IST1: variants seen among roughly 807,000 people sequenced by gnomAD.
The protein encoded by IST1 is IST1 factor associated with ESCRT-III.
In IST1, 23 loss-of-function variants were observed where a neutral mutation model predicts 37.0. The ratio of observed to expected loss-of-function variants is 0.62; its 90% confidence interval spans 0.45 to 0.88. IST1 has a LOEUF of 0.88. IST1 is among the 40% of genes least tolerant of loss of function. The pLI, the probability that IST1 is intolerant of heterozygous loss-of-function variation, is 0.00. For synonymous variants in IST1, 180 were observed against 161.7 expected, an observed-to-expected ratio of 1.11 and a Z score of -0.86; for missense variants, 488 against 445.4, an observed-to-expected ratio of 1.10 and a Z score of -0.86.
chr16:71,919,404 G>C (rs73590011), intron 4 of IST1, among the ~76,000 whole-genome samples: 94 of 152,208 alleles, frequency 6.2e-4, no homozygotes, highest in African/African-American at 2.2e-3. Flanking sequence ...TTTATTATTT[G>C]AGACGGTCTT....
intron 1 of IST1, among the ~76,000 whole-genome samples, chr16:71,909,947 G>T (rs1032144149): frequency 7.2e-5 from 11 of 152,024 alleles, no homozygotes; most frequent in Non-Finnish European, 1.6e-4. Flanking sequence ...GTAATTTAAC[G>T]GCAAGTTGGA....
Position 71,914,412 on chromosome 16 carries a change from G to A in IST1, c.-15-1214G>A, listed in dbSNP as rs189816471. Among the ~76,000 whole-genome samples the A allele has an allele frequency of 2.2e-3, 337 of 152,028 alleles. 1 individual carries two copies. The highest frequency in any genetic ancestry group is 4.0e-3 in the Non-Finnish European group (274 of 67,986). On this transcript the variant is annotated intron_variant, in intron 1 of 9. Coordinates refer to ENST00000378799, the MANE Select transcript of IST1 (RefSeq NM_001270975.2). ...CCTGACCTCATGATCTGCCCACCTCGGCCTCCCAAAGTGCTAGGATTACAG... is the reference window on the plus strand; with the variant it reads ...CCTGACCTCATGATCTGCCCACCTCAGCCTCCCAAAGTGCTAGGATTACAG...
chr16:71,917,337 T>G (rs2037487162), intron 4 of IST1, among the ~76,000 whole-genome samples: 1 of 152,258 alleles, frequency 6.6e-6, no homozygotes, highest in East Asian at 1.9e-4. Flanking sequence ...GCAGTTTTTT[T>G]AAGGAGCAAA....
chr16:71,922,363 A>T (rs1243734006), intron 6 of IST1, 111 bp from the exon 7 acceptor site: 2 of 869,094 alleles, frequency 2.3e-6, no homozygotes, highest in African/African-American at 1.7e-5. Context: ...TGTTGATCCC[A>T]GAAGCACTCC....
chr16:71,919,548 A>G (rs1420829670), intron 4 of IST1, among the ~76,000 whole-genome samples: 1 of 152,170 alleles, frequency 6.6e-6, no homozygotes, highest in Non-Finnish European at 1.5e-5. Context: ...CACCATGCCC[A>G]GCTAATTTTT....
At chr16:71,918,109 T>G (rs1358713207) in intron 4 of IST1, among the ~76,000 whole-genome samples, 1 of 152,208 alleles carries the variant, frequency 6.6e-6, no homozygotes, top group African/African-American at 2.4e-5. Context: ...GAGGAACTAG[T>G]CATCTTTCCT....
At chr16:71,926,869 A>G (rs923050038) in intron 9 of IST1, among the ~76,000 whole-genome samples, 1 of 152,142 alleles carries the variant, frequency 6.6e-6, no homozygotes, top group African/African-American at 2.4e-5. Flanking sequence ...AAAATACTAG[A>G]TGGAAGACTG....
intron 1 of IST1, among the ~76,000 whole-genome samples, chr16:71,901,816 C>T (rs998668354): frequency 6.6e-6 from 1 of 152,118 alleles, no homozygotes; most frequent in African/African-American, 2.4e-5. Context: ...AATACATGAG[C>T]GACAGCTTTG....
chr16:71,910,655 G>A (rs189415367), intron 1 of IST1, among the ~76,000 whole-genome samples: 108 of 151,866 alleles, frequency 7.1e-4, no homozygotes, highest in Non-Finnish European at 1.5e-3. Flanking sequence ...TATAGGATTC[G>A]GTATGATCTG....
chr16:71,902,153 C>G (rs527989635), intron 1 of IST1, among the ~76,000 whole-genome samples: 1 of 152,246 alleles, frequency 6.6e-6, no homozygotes, highest in African/African-American at 2.4e-5. Flanking sequence ...CATACCAGCC[C>G]AAGAGGTGTG....
chr16:71,896,303 C>G (rs565697733), intron 1 of IST1, among the ~76,000 whole-genome samples: 28 of 151,924 alleles, frequency 1.8e-4, no homozygotes, highest in African/African-American at 6.5e-4. Context: ...GGGTCGGGAC[C>G]CAGGAGCTGT....
At chr16:71,894,767 C>A, upstream of IST1, 1 of 1,171,902 alleles carries the variant, frequency 8.5e-7, no homozygotes, top group Non-Finnish European at 1.2e-6. Flanking sequence ...AACTCCCGGG[C>A]TCAAGCGATC....
intron 6 of IST1, among the ~76,000 whole-genome samples, chr16:71,922,072 A>G (rs760710387): frequency 2.0e-5 from 3 of 152,096 alleles, no homozygotes; most frequent in Non-Finnish European, 4.4e-5. Flanking sequence ...AGGAGGTGGA[A>G]GAGCTTGTGG....
At chr16:71,924,582 T>C in intron 8 of IST1, 187 bp from the exon 9 acceptor site, 1 of 607,316 alleles carries the variant, frequency 1.6e-6, no homozygotes, top group Non-Finnish European at 3.0e-6. Flanking sequence ...CAGGAGACCC[T>C]GTCTCAAAAT....
At chr16:71,909,298 G>T (rs771732392) in intron 1 of IST1, among the ~76,000 whole-genome samples, 1 of 151,936 alleles carries the variant, frequency 6.6e-6, no homozygotes, top group East Asian at 1.9e-4. Context: ...TGTAGAGAGG[G>T]TCTTGCCATG....
At chr16:71,926,307 G>A (rs1404780443) in intron 9 of IST1, among the ~76,000 whole-genome samples, 2 of 151,830 alleles carry the variant, frequency 1.3e-5, no homozygotes, top group African/African-American at 4.8e-5. Context: ...ATATTAGACA[G>A]TTGTCTTATG....
intron 8 of IST1, 54 bp downstream of exon 8, chr16:71,923,434 C>G (rs769245420): frequency 2.6e-6 from 3 of 1,140,604 alleles, no homozygotes; most frequent in Non-Finnish European, 4.0e-6. Flanking sequence ...CCATGAAGAG[C>G]GAGCAAAATA....
chr16:71,904,441 C>G (rs1349442823), intron 1 of IST1, among the ~76,000 whole-genome samples: 1 of 152,204 alleles, frequency 6.6e-6, no homozygotes, highest in East Asian at 1.9e-4. Flanking sequence ...GAGACAGGAT[C>G]TTGCTCTGTT....
intron 1 of IST1, among the ~76,000 whole-genome samples, chr16:71,900,706 T>C (rs2037089386): frequency 1.3e-5 from 2 of 152,288 alleles, no homozygotes; most frequent in Admixed American, 6.5e-5. Flanking sequence ...AGAACTAGGA[T>C]TGTGGTCACT....
Sources: gnomAD v4.1 joint callset for allele counts (sites outside exome capture counted in the v4.1 genomes callset) on GRCh38, gnomAD v4.1.1 for gene constraint, MANE v1.5 for transcripts, NCBI Gene and HGNC (gene_info 2026-07-23, HGNC 2026-07-21) for gene names.